Variants in SHB observed in about 807,000 individuals in gnomAD.
The protein encoded by SHB is SH2 domain containing adaptor protein B.
SHB carries 20 observed loss-of-function variants against 52.3 expected under a neutral mutation model. The observed-to-expected ratio is 0.38, with a 90% CI of 0.27 to 0.56. The LOEUF (loss-of-function observed/expected upper bound fraction) is 0.56, where lower values mean the gene tolerates loss of function less well. Among genes scored for constraint, SHB ranks in the 20% least tolerant of loss-of-function variants. The pLI is 0.71. For synonymous variants in SHB, 397 were observed against 316.5 expected (o/e 1.25, Z -2.70); for missense variants, 825 against 723.3 (o/e 1.14, Z -1.61).
chr9:38,058,754 T>C lies in SHB; in HGVS notation c.717+9175A>G, dbSNP rs115674021. 4.9e-3 allele frequency among the ~76,000 whole-genome samples: 749 copies of C among 152,150 alleles called. 8 individuals are homozygous for C. The highest frequency in any genetic ancestry group is 0.015 in the African/African-American group (626 of 41,504). On this transcript the variant is annotated intron_variant, in intron 1 of 5. Coordinates refer to ENST00000377707, the MANE Select transcript of SHB (RefSeq NM_003028.3). ...CCGCTCAGTCATATAGATCTCTGCA[T>C]TGCTCCCTGAACCACCGAGGCATGC...
intron 2 of SHB, among the ~76,000 whole-genome samples, chr9:38,008,059 G>A (rs892002943): frequency 6.6e-6 from 1 of 152,198 alleles, no homozygotes; most frequent in African/African-American, 2.4e-5. Context: ...GACATCAAGT[G>A]TTCTCTGGGC....
At chr9:37,990,247 A>G (rs1489827044) in intron 2 of SHB, among the ~76,000 whole-genome samples, 1 of 152,116 alleles carries the variant, frequency 6.6e-6, no homozygotes, top group African/African-American at 2.4e-5. Context: ...TAAACTGTCA[A>G]GGGTGTTGGA....
At chr9:38,038,130 C>T (rs571654192) in intron 1 of SHB, among the ~76,000 whole-genome samples, 1 of 152,300 alleles carries the variant, frequency 6.6e-6, no homozygotes, top group South Asian at 2.1e-4. Flanking sequence ...GCTCTGCCCT[C>T]CCCATCCTAC....
intron 1 of SHB, among the ~76,000 whole-genome samples, chr9:38,029,259 G>T (rs1008077489): frequency 2.0e-5 from 3 of 152,270 alleles, no homozygotes; most frequent in Admixed American, 2.0e-4. Context: ...TCTACAGAGG[G>T]TCTATGGGGC....
chr9:37,942,240 A>G (rs1022008624), intron 5 of SHB, among the ~76,000 whole-genome samples: 3 of 152,192 alleles, frequency 2.0e-5, no homozygotes, highest in Non-Finnish European at 2.9e-5. Flanking sequence ...CGGCTGCTCT[A>G]AGCCGGATAC....
intron 2 of SHB, among the ~76,000 whole-genome samples, chr9:38,010,991 A>C (rs1296403602): frequency 6.6e-6 from 1 of 152,230 alleles, no homozygotes; most frequent in Non-Finnish European, 1.5e-5. Context: ...ACATGTGCAA[A>C]GTTTGTTTTC....
intron 5 of SHB, among the ~76,000 whole-genome samples, chr9:37,941,236 C>A (rs1007131506): frequency 9.2e-5 from 14 of 152,224 alleles, no homozygotes; most frequent in Admixed American, 7.2e-4. Flanking sequence ...TCCCCAACAA[C>A]CCGTGGCTCT....
At chr9:37,945,112 C>T (rs905655965) in intron 5 of SHB, among the ~76,000 whole-genome samples, 1 of 152,178 alleles carries the variant, frequency 6.6e-6, no homozygotes, top group Admixed American at 6.5e-5. Context: ...ATCCTTTCTT[C>T]ATCCTAGAAC....
At chr9:38,011,348 C>G (rs1406619252) in intron 2 of SHB, among the ~76,000 whole-genome samples, 3 of 152,068 alleles carry the variant, frequency 2.0e-5, no homozygotes, top group African/African-American at 7.2e-5. Context: ...AGATGGGCAG[C>G]AGGGCATAGA....
At chr9:37,931,348 G>T (rs1190325486) in intron 5 of SHB, among the ~76,000 whole-genome samples, 1 of 152,020 alleles carries the variant, frequency 6.6e-6, no homozygotes, top group Admixed American at 6.6e-5. Flanking sequence ...TCTGATAAAG[G>T]GTTAACATCC....
intron 2 of SHB, among the ~76,000 whole-genome samples, chr9:37,995,063 C>G (rs1820931053): frequency 6.6e-6 from 1 of 152,140 alleles, no homozygotes; most frequent in African/African-American, 2.4e-5. Flanking sequence ...AGCTGGGAAC[C>G]TACAAAAATT....
At chr9:37,943,232 T>A (rs1317001195) in intron 5 of SHB, among the ~76,000 whole-genome samples, 1 of 152,288 alleles carries the variant, frequency 6.6e-6, no homozygotes, top group East Asian at 1.9e-4. Flanking sequence ...TCCTTCACAT[T>A]CCCCTTCCTG....
chr9:38,047,909 A>G (rs893962975), intron 1 of SHB, among the ~76,000 whole-genome samples: 1 of 152,226 alleles, frequency 6.6e-6, no homozygotes, highest in African/African-American at 2.4e-5. Flanking sequence ...CCGATCGAAC[A>G]CTAAGGGCCA....
At chr9:38,032,755 G>C (rs1295698186) in intron 1 of SHB, among the ~76,000 whole-genome samples, 1 of 152,152 alleles carries the variant, frequency 6.6e-6, no homozygotes, top group Non-Finnish European at 1.5e-5. Flanking sequence ...GTGCAGCGTG[G>C]CACAGTCCTT....
intron 5 of SHB, among the ~76,000 whole-genome samples, chr9:37,925,213 C>T (rs900849451): frequency 3.9e-5 from 6 of 152,260 alleles, no homozygotes; most frequent in South Asian, 4.1e-4. Context: ...CCCCTCCAGA[C>T]GTAAGCTTCC....
chr9:37,976,438 T>C (rs956319967), intron 2 of SHB, among the ~76,000 whole-genome samples: 6 of 152,212 alleles, frequency 3.9e-5, no homozygotes, highest in Non-Finnish European at 7.3e-5. Context: ...AACTGTTTCA[T>C]CTTCCCAAAC....
intron 2 of SHB, among the ~76,000 whole-genome samples, chr9:38,002,655 G>A (rs1203966135): frequency 6.6e-6 from 1 of 152,148 alleles, no homozygotes; most frequent in African/African-American, 2.4e-5. Flanking sequence ...ACCTAGCTTG[G>A]CTCTAAAATT....
At chr9:37,926,875 T>C (rs1184793170) in intron 5 of SHB, among the ~76,000 whole-genome samples, 1 of 152,248 alleles carries the variant, frequency 6.6e-6, no homozygotes, top group Non-Finnish European at 1.5e-5. Context: ...TCCACCTCTG[T>C]GGTCCAATTA....
In SHB at chr9:37,955,509, G is replaced by A. The variant is rs149094305; in HGVS notation, c.1226+374C>T. On this transcript the variant is annotated intron_variant, in intron 4 of 5. Transcript: ENST00000377707. ...TTATTTTTTTTTGAGACAGGGTCTC[G>A]CTCTGTTGCCCAGGCTCGACTGCAG... Among the ~76,000 whole-genome samples the A allele has an allele frequency of 3.7e-4, 56 of 152,104 alleles. 1 individual carries two copies. In the East Asian group the frequency reaches 9.5e-3, roughly 26 times the overall value.
Sources: allele counts gnomAD v4.1 joint callset (sites outside exome capture counted in the v4.1 genomes callset), GRCh38; gene constraint gnomAD v4.1.1; transcripts MANE v1.5; gene names NCBI Gene and HGNC (gene_info 2026-07-23, HGNC 2026-07-21).